The following DPYD variants were observed in gnomAD, a reference collection of about 807,000 sequenced individuals.
DPYD encodes dihydropyrimidine dehydrogenase [NADP(+)].
In DPYD, 109 loss-of-function variants were observed where a neutral mutation model predicts 116.2. The observed-to-expected ratio is 0.94, with a 90% CI of 0.80 to 1.10. The LOEUF is 1.10. Among genes scored for constraint, DPYD ranks in the 50% least tolerant of loss-of-function variants. The pLI is 0.00. For missense variants in DPYD, 1,302 were observed against 1,254.5 expected, an observed-to-expected ratio of 1.04 and a Z score of -0.57; for synonymous variants, 440 against 432.0, an observed-to-expected ratio of 1.02 and a Z score of -0.23.
At chr1:97,464,609 G>A (rs1318799673) in intron 13 of DPYD, among the ~76,000 whole-genome samples, 1 of 152,194 alleles carries the variant, frequency 6.6e-6, no homozygotes, top group African/African-American at 2.4e-5. Flanking sequence ...AACAGCTCAG[G>A]CTGTTGCTTC....
At chr1:97,464,715 G>C (rs1169060277) in intron 13 of DPYD, among the ~76,000 whole-genome samples, 1 of 152,202 alleles carries the variant, frequency 6.6e-6, no homozygotes, top group Non-Finnish European at 1.5e-5. Context: ...ACTTTGCCTA[G>C]ATTTCAGAGG....
At chr1:97,434,120 A>G (rs774446404) in intron 14 of DPYD, among the ~76,000 whole-genome samples, 13 of 152,122 alleles carry the variant, frequency 8.5e-5, no homozygotes, top group African/African-American at 1.9e-4. Context: ...AAATGCAAAA[A>G]GCAGCACAAA....
intron 3 of DPYD, among the ~76,000 whole-genome samples, chr1:97,771,496 A>C (rs1212112272): frequency 7.2e-5 from 11 of 152,186 alleles, no homozygotes; most frequent in Admixed American, 7.2e-4. Context: ...AAGGAGATGA[A>C]ATTAACAAAA....
chr1:97,276,892 A>C (rs933647614), intron 18 of DPYD, among the ~76,000 whole-genome samples: 1 of 152,196 alleles, frequency 6.6e-6, no homozygotes, highest in African/African-American at 2.4e-5. Context: ...TTCTACCAAA[A>C]AGACACATGT....
At chr1:97,192,925 C>T (rs1658478180) in intron 20 of DPYD, 144 bp downstream of exon 20, 5 of 864,420 alleles carry the variant, frequency 5.8e-6, no homozygotes, top group Non-Finnish European at 9.5e-6. Flanking sequence ...AATCAAGTCT[C>T]CTTCAGAAAG....
intron 16 of DPYD, among the ~76,000 whole-genome samples, chr1:97,350,130 G>A (rs970964664): frequency 2.0e-5 from 3 of 152,056 alleles, no homozygotes; most frequent in Admixed American, 1.3e-4. Context: ...AGGTAGGAGT[G>A]ACAAAGAAGG....
At position 97,350,348 on chromosome 1, in the gene DPYD, T is replaced by C. The variant is rs530531508; in HGVS notation, c.2058+23213A>G. On this transcript the variant is annotated intron_variant, in intron 16 of 22. Transcript: ENST00000370192. ...TACTAATCTGAAGCTTAGTACTATA[T>C]ACAACTGATACTTAAAAATAATTTA... is the stretch of plus-strand genomic sequence containing the variant. 3.9e-5 allele frequency among the ~76,000 whole-genome samples: 6 copies of C among 152,310 alleles called. No homozygotes were observed. In the South Asian group the frequency reaches 8.3e-4, roughly 21 times the overall value.
At chr1:97,468,299 C>T (rs1677442049) in intron 13 of DPYD, among the ~76,000 whole-genome samples, 1 of 152,030 alleles carries the variant, frequency 6.6e-6, no homozygotes, top group African/African-American at 2.4e-5. Context: ...TGTTTTTGTC[C>T]CTTCAAAATT....
chr1:97,830,909 G>A (rs1417689293), intron 2 of DPYD, among the ~76,000 whole-genome samples: 1 of 152,096 alleles, frequency 6.6e-6, no homozygotes, highest in Non-Finnish European at 1.5e-5. Context: ...AATTTTATCA[G>A]GAAGTGGTTA....
chr1:97,216,685 C>T (rs1458793913), intron 19 of DPYD, among the ~76,000 whole-genome samples: 1 of 151,966 alleles, frequency 6.6e-6, no homozygotes, highest in Non-Finnish European at 1.5e-5. Flanking sequence ...GTCCCACCTA[C>T]TCAGAAGACT....
At chr1:97,567,320 AC>A (rs1208900976) in intron 11 of DPYD, among the ~76,000 whole-genome samples, 4 of 147,306 alleles carry the variant, frequency 2.7e-5, no homozygotes, top group Non-Finnish European at 4.5e-5. Context: ...TGATTTAAAA[AC>A]CTTTTTTTTT....
chr1:97,889,733 G>A (rs1336874326), intron 1 of DPYD, among the ~76,000 whole-genome samples: 1 of 151,916 alleles, frequency 6.6e-6, no homozygotes, highest in Non-Finnish European at 1.5e-5. Flanking sequence ...CAGAAGACTT[G>A]AATAACAACT....
intron 5 of DPYD, among the ~76,000 whole-genome samples, chr1:97,702,421 A>C (rs1479286342): frequency 6.6e-6 from 1 of 151,848 alleles, no homozygotes; most frequent in East Asian, 1.9e-4. Context: ...TTTCATATTT[A>C]GTTGAATAAT....
At chr1:97,228,344 T>C (rs1442833206) in intron 19 of DPYD, among the ~76,000 whole-genome samples, 1 of 152,160 alleles carries the variant, frequency 6.6e-6, no homozygotes, top group Non-Finnish European at 1.5e-5. Flanking sequence ...TGAAATGTCA[T>C]TACTCTTCTT....
intron 13 of DPYD, among the ~76,000 whole-genome samples, chr1:97,464,510 T>G (rs1291307451): frequency 6.6e-6 from 1 of 152,058 alleles, no homozygotes; most frequent in East Asian, 1.9e-4. Flanking sequence ...ATGGGCCAGG[T>G]CCAGGGTCCC....
chr1:97,235,015 CAATGGTT>C, intron 18 of DPYD, 21 bp from the exon 19 acceptor site: 1 of 1,614,016 alleles, frequency 6.2e-7, no homozygotes, highest in Non-Finnish European at 8.5e-7. Context: ...TCAGAATAAT[CAATGGTT>C]AGCACACTGA....
intron 18 of DPYD, among the ~76,000 whole-genome samples, chr1:97,242,119 CGTGTGT>C (rs1662380256): frequency 5.6e-5 from 1 of 17,844 alleles, no homozygotes; most frequent in African/African-American, 2.4e-4. Context: ...CGTGTGTGTG[CGTGTGT>C]ATATATATAT....
At chr1:97,624,703 T>C (rs913010852) in intron 8 of DPYD, among the ~76,000 whole-genome samples, 1 of 152,040 alleles carries the variant, frequency 6.6e-6, no homozygotes, top group Non-Finnish European at 1.5e-5. Context: ...AGCTAAACTT[T>C]AGAATCAAAC....
intron 12 of DPYD, among the ~76,000 whole-genome samples, chr1:97,537,571 A>G (rs773835083): frequency 6.6e-6 from 1 of 152,332 alleles, no homozygotes; most frequent in Non-Finnish European, 1.5e-5. Context: ...ATATGAATGC[A>G]CACAATTCAA....
Sources: allele counts gnomAD v4.1 joint callset (sites outside exome capture counted in the v4.1 genomes callset), GRCh38; gene constraint gnomAD v4.1.1; transcripts MANE v1.5; gene names NCBI Gene and HGNC (gene_info 2026-07-23, HGNC 2026-07-21).